The following SPAG9 variants were observed in gnomAD, a reference collection of about 807,000 sequenced individuals.
SPAG9 encodes the protein sperm associated antigen 9.
A neutral mutation model predicts 166.5 loss-of-function variants in SPAG9; 35 were observed. The ratio of observed to expected loss-of-function variants is 0.21; its 90% CI spans 0.16 to 0.28. The LOEUF is 0.28. Ranked by LOEUF, SPAG9 falls within the 10% of genes least tolerant of loss-of-function variation. The pLI is 1.00. For synonymous variants in SPAG9, 534 were observed against 565.5 expected, an observed-to-expected ratio of 0.94 and a Z score of 0.79; for missense variants, 1,235 against 1,603.3, an observed-to-expected ratio of 0.77 and a Z score of 3.92.
intron 1 of SPAG9, among the ~76,000 whole-genome samples, chr17:51,108,395 A>G (rs1439528537): frequency 6.6e-6 from 1 of 152,044 alleles, no homozygotes; most frequent in Non-Finnish European, 1.5e-5. Context: ...TCAAAAAAAA[A>G]AAAAAAAAAT....
chr17:50,973,139 A>T (rs1160787096), intron 28 of SPAG9, among the ~76,000 whole-genome samples: 1 of 152,246 alleles, frequency 6.6e-6, no homozygotes, highest in East Asian at 1.9e-4. Context: ...AAAAATGAGA[A>T]GCAAGTTGTA....
At chr17:51,012,667 C>A (rs553444580) in intron 9 of SPAG9, among the ~76,000 whole-genome samples, 23 of 152,000 alleles carry the variant, frequency 1.5e-4, no homozygotes, top group Non-Finnish European at 2.8e-4. Flanking sequence ...TGGTGACAAT[C>A]CCTTTCTGTC....
intron 21 of SPAG9, among the ~76,000 whole-genome samples, chr17:50,988,718 G>A (rs993581424): frequency 4.6e-5 from 7 of 152,042 alleles, no homozygotes; most frequent in Middle Eastern, 3.2e-3. Flanking sequence ...CACGCCCAGC[G>A]AATCATTAAG....
intron 29 of SPAG9, among the ~76,000 whole-genome samples, chr17:50,966,922 A>G (rs1597865126): frequency 6.6e-6 from 1 of 152,262 alleles, no homozygotes; most frequent in East Asian, 1.9e-4. Flanking sequence ...CAGATGGCAG[A>G]TTCACCAGCT....
rs961445302 is a variant in SPAG9, at chr17:50,999,068, T to C, written c.1665-451A>G. Among the ~76,000 whole-genome samples the C allele has an allele frequency of 3.9e-5, 6 of 152,240 alleles. No homozygotes were observed. The East Asian group carries it at 9.6e-4, about 24-fold the overall frequency. ...TCAAGTACTGGAACACATATTACCA[T>C]GTTAACACACATTTTATACATTTTC... On this transcript the variant is annotated intron_variant, in intron 14 of 29. Coordinates refer to ENST00000262013, the MANE Select transcript of SPAG9 (RefSeq NM_001130528.3).
At chr17:50,974,148 T>C (rs929901837) in intron 28 of SPAG9, among the ~76,000 whole-genome samples, 6 of 152,158 alleles carry the variant, frequency 3.9e-5, no homozygotes, top group Admixed American at 1.3e-4. Flanking sequence ...AATGGATAAT[T>C]TGTCATTTTT....
chr17:50,985,045 C>G (rs1292557663), intron 23 of SPAG9, 55 bp from the exon 24 acceptor site: 1 of 1,496,112 alleles, frequency 6.7e-7, no homozygotes, highest in Non-Finnish European at 9.3e-7. Flanking sequence ...CAGAAGGGAC[C>G]ACATGCTACT....
chr17:51,005,087 C>G, intron 12 of SPAG9, 125 bp downstream of exon 12: 1 of 779,648 alleles, frequency 1.3e-6, no homozygotes, highest in Non-Finnish European at 2.1e-6. Flanking sequence ...TATTCATGAC[C>G]ATAAACATGT....
At chr17:51,089,126 A>G (rs545920781) in intron 1 of SPAG9, among the ~76,000 whole-genome samples, 1 of 148,708 alleles carries the variant, frequency 6.7e-6, no homozygotes, top group Non-Finnish European at 1.5e-5. Context: ...CACACACAAA[A>G]AAAAAACAGA....
At chr17:50,975,340 C>G (rs1457452284) in intron 27 of SPAG9, 4 of 198,866 alleles carry the variant, frequency 2.0e-5, no homozygotes, top group African/African-American at 7.2e-5. Flanking sequence ...CAAATAAAGT[C>G]TTTCTTTATA....
Position 51,120,432 on chromosome 17 carries a change from C to T in SPAG9, c.225G>A (p.Leu75=), listed in dbSNP as rs2049446378. 6.2e-7 allele frequency: 1 copy of T among 1,613,482 alleles called. No homozygotes were observed. The highest frequency in any genetic ancestry group is 1.3e-5 in the African/African-American group (1 of 75,044). The part of the protein sequence containing the change: ...FAQDQEHQVE[L]ELLRDDNEQL... ...GCTCGTTGTCGTCCCGCAGCAGCTC[C>T]AGCTCCACCTGGTGCTCCTGGTCCT... Residue 75 remains leucine, a synonymous_variant, in exon 1 of 30, where the codon CTG becomes CTA. Transcript: ENST00000262013. The surrounding 1 kb of genome is among the most constrained non-coding windows in gnomAD (Gnocchi z 4.7).
intron 3 of SPAG9, among the ~76,000 whole-genome samples, chr17:51,047,717 A>C (rs1309501750): frequency 1.1e-4 from 16 of 151,666 alleles, no homozygotes; most frequent in African/African-American, 3.9e-4. Flanking sequence ...AAAAAAAAAA[A>C]ACCCACTTTT....
chr17:50,978,270 A>C (rs982790899), intron 26 of SPAG9, among the ~76,000 whole-genome samples: 1 of 152,236 alleles, frequency 6.6e-6, no homozygotes. Context: ...CATTCAGCCT[A>C]ACCTAGGAAC....
At chr17:50,996,473 C>T (rs1485923523) in intron 16 of SPAG9, 92 bp downstream of exon 16, 1 of 1,452,876 alleles carries the variant, frequency 6.9e-7, no homozygotes, top group Admixed American at 1.8e-5. Context: ...ATGAGCAGGG[C>T]TGGGATGCGT....
chr17:51,102,370 C>T (rs1213708705), intron 1 of SPAG9, among the ~76,000 whole-genome samples: 1 of 149,882 alleles, frequency 6.7e-6, no homozygotes, highest in African/African-American at 2.5e-5. Flanking sequence ...TGACTCTTCA[C>T]TCCAGCCTGG....
rs371318835 is a variant in SPAG9, at chr17:51,026,737, C to T, written c.783+4944G>A. 8.2e-5 allele frequency among the ~76,000 whole-genome samples: 12 copies of T among 146,234 alleles called. No individual in the cohort carries two copies. In the East Asian group the frequency reaches 1.2e-3, roughly 15 times the overall value. ...GTTGCCCCAGGCTGTAGTGCAATGGCGCAATCTTGGCTCACCGCAACCTCT... is the reference window on the plus strand; with the variant it reads ...GTTGCCCCAGGCTGTAGTGCAATGGTGCAATCTTGGCTCACCGCAACCTCT... On this transcript the variant is annotated intron_variant, in intron 6 of 29. Transcript: ENST00000262013.
intron 26 of SPAG9, among the ~76,000 whole-genome samples, chr17:50,978,943 G>T (rs140102136): frequency 6.6e-6 from 1 of 152,164 alleles, no homozygotes; most frequent in Non-Finnish European, 1.5e-5. Context: ...AGGCCTGGGG[G>T]TAAAAGGATA....
intron 8 of SPAG9, among the ~76,000 whole-genome samples, chr17:51,016,895 C>T (rs567837075): frequency 2.6e-5 from 4 of 152,140 alleles, no homozygotes; most frequent in South Asian, 2.1e-4. Context: ...AGCGAGACTC[C>T]GTCTCGGAGG....
intron 1 of SPAG9, among the ~76,000 whole-genome samples, chr17:51,111,886 A>G (rs2049122607): frequency 6.6e-6 from 1 of 152,178 alleles, no homozygotes; most frequent in Non-Finnish European, 1.5e-5. Context: ...TACAGGCATG[A>G]GCCACCATGC....
Sources: gnomAD v4.1 joint callset for allele counts (sites outside exome capture counted in the v4.1 genomes callset) on GRCh38, gnomAD v4.1.1 for gene constraint, Gnocchi (gnomAD v3.1) non-coding constraint, MANE v1.5 for transcripts, NCBI Gene and HGNC (gene_info 2026-07-23, HGNC 2026-07-21) for gene names.